Variants in ATP10A observed in about 807,000 individuals in gnomAD.
ATP10A encodes ATPase phospholipid transporting 10A (putative).
A neutral mutation model predicts 147.8 loss-of-function variants in ATP10A; 111 were observed. The observed-to-expected ratio is 0.75, with a 90% CI of 0.64 to 0.88. The LOEUF (loss-of-function observed/expected upper bound fraction) is 0.88, where lower values mean the gene tolerates loss of function less well. ATP10A is among the 40% of genes least tolerant of loss of function. ATP10A has a pLI of 0.00. For missense variants in ATP10A, 1,927 were observed against 1,959.0 expected, an observed-to-expected ratio of 0.98 and a Z score of 0.31; for synonymous variants, 875 against 841.6, an observed-to-expected ratio of 1.04 and a Z score of -0.69.
chr15:25,693,318 A>C (rs938311065), intron 14 of ATP10A, among the ~76,000 whole-genome samples: 1 of 152,158 alleles, frequency 6.6e-6, no homozygotes, highest in African/African-American at 2.4e-5. Context: ...CCACGTGCCC[A>C]GCCATGTGCT....
intron 1 of ATP10A, among the ~76,000 whole-genome samples, chr15:25,824,015 C>T (rs1892002546): frequency 6.6e-6 from 1 of 152,132 alleles, no homozygotes; most frequent in Non-Finnish European, 1.5e-5. Flanking sequence ...GCCTACATGC[C>T]AGTTAAGACT....
intron 1 of ATP10A, among the ~76,000 whole-genome samples, chr15:25,784,443 C>T (rs932500221): frequency 6.6e-6 from 1 of 152,166 alleles, no homozygotes; most frequent in African/African-American, 2.4e-5. Flanking sequence ...GCTTGCCTGC[C>T]CCATCCAGGA....
At chr15:25,683,155 T>G in intron 17 of ATP10A, 131 bp downstream of exon 17, 1 of 838,164 alleles carries the variant, frequency 1.2e-6, no homozygotes, top group Non-Finnish European at 1.9e-6. Flanking sequence ...TCCTCTAGAA[T>G]GGTGAATTCT....
intron 15 of ATP10A, among the ~76,000 whole-genome samples, chr15:25,690,052 T>C (rs764911626): frequency 1.3e-5 from 2 of 152,264 alleles, no homozygotes; most frequent in South Asian, 4.1e-4. Context: ...GAGTTAGGGG[T>C]TCCCCCGAAC....
chr15:25,718,269 G>A lies in ATP10A; in HGVS notation c.1494C>T (p.Ser498=). The A allele has an allele frequency of 6.2e-7, 1 of 1,612,578 alleles. No individual in the cohort carries two copies. The highest frequency in any genetic ancestry group is 8.5e-7 in the Non-Finnish European group (1 of 1,179,974). ...TGCCCGTGCGCCGGTGGGACTTGGT[G>A]CTCTGGGTTCTGTGCACCACCCGGA... The part of the protein sequence containing the change: ...QSVRVVHRTQ[S]TKSHRRTGSR... The change falls in exon 8 of 21, where the codon AGC becomes AGT. Residue 498 remains serine (S), a synonymous_variant. Coordinates refer to ENST00000555815, the MANE Select transcript of ATP10A (RefSeq NM_024490.4).
Position 25,794,073 on chromosome 15 carries a change from C to A in ATP10A, c.450-12850G>T, listed in dbSNP as rs141014033. On this transcript the variant is annotated intron_variant, in intron 1 of 20. Transcript: ENST00000555815. Reference sequence around the variant, plus strand: ...CCCCTGATTCCTCTAAATCAGAATTCTGAAGATGAAAAGGCTTCACTGATT... The same window carrying A: ...CCCCTGATTCCTCTAAATCAGAATTATGAAGATGAAAAGGCTTCACTGATT... Among the ~76,000 whole-genome samples, 790 of 152,336 alleles carry A rather than the reference C, an allele frequency of 5.2e-3. 5 individuals carry two copies. The highest frequency in any genetic ancestry group is 0.014 in the Middle Eastern group (4 of 294).
Position 25,728,550 on chromosome 15 carries a change from C to T in ATP10A, c.741-1284G>A, listed in dbSNP as rs375100947. 1.4e-4 allele frequency among the ~76,000 whole-genome samples: 21 copies of T among 152,336 alleles called. No individual in the cohort carries two copies. The South Asian group carries it at 1.7e-3, about 12-fold the overall frequency. On this transcript the variant is annotated intron_variant, in intron 3 of 20. Coordinates refer to ENST00000555815, the MANE Select transcript of ATP10A (RefSeq NM_024490.4). ...TCCTTAGGTACAAAACCCTGCTCTG[C>T]GCTTGTGGAGTGAGGACACCCCCTA...
chr15:25,817,274 G>A (rs1891701998), intron 1 of ATP10A, among the ~76,000 whole-genome samples: 1 of 151,948 alleles, frequency 6.6e-6, no homozygotes, highest in Non-Finnish European at 1.5e-5. Context: ...GTAGAGACAG[G>A]GTTTCACCAT....
rs564084379 is a variant in ATP10A at position 25,729,630 on chromosome 15, C to T, written c.741-2364G>A. The stretch of plus-strand genomic sequence containing the variant: ...GCCGACCCTGCAGCCCCTGCTTGGC[C>T]CACAGAAGGGGTGGCTTCTGTGGTT... On this transcript the variant is annotated intron_variant, in intron 3 of 20. Coordinates refer to ENST00000555815, the MANE Select transcript of ATP10A (RefSeq NM_024490.4). 6.8e-4 allele frequency among the ~76,000 whole-genome samples: 103 copies of T among 152,236 alleles called. 1 individual carries two copies. The highest frequency in any genetic ancestry group is 2.5e-3 in the South Asian group (12 of 4,816).
intron 1 of ATP10A, among the ~76,000 whole-genome samples, chr15:25,855,014 G>A (rs1204497515): frequency 3.5e-5 from 5 of 143,398 alleles, no homozygotes; most frequent in South Asian, 2.2e-4. Context: ...AGCTGAGATC[G>A]CCCCATTGCA....
rs1484995421 is a variant in ATP10A, at chr15:25,680,985, C to A, written c.3573+9G>T. ...TGGTAAGAAAAACTGCACCCAGGGGCCAACTTACCAGGTAAGGAATGGAAA... is the reference window on the plus strand; with the variant it reads ...TGGTAAGAAAAACTGCACCCAGGGGACAACTTACCAGGTAAGGAATGGAAA... On this transcript the variant is annotated intron_variant, in intron 18 of 20. Coordinates refer to ENST00000555815, the MANE Select transcript of ATP10A (RefSeq NM_024490.4). 1.9e-6 allele frequency: 3 copies of A among 1,613,880 alleles called. No homozygotes were observed. The highest frequency in any genetic ancestry group is 2.5e-6 in the Non-Finnish European group (3 of 1,179,928).
intron 3 of ATP10A, among the ~76,000 whole-genome samples, chr15:25,728,842 C>A (rs1170675700): frequency 1.3e-5 from 2 of 152,204 alleles, no homozygotes; most frequent in Admixed American, 1.3e-4. Context: ...CAGGTCCATG[C>A]CAGAAGGAAG....
chr15:25,673,384 C>T (rs1899079617), downstream of ATP10A, among the ~76,000 whole-genome samples: 1 of 152,198 alleles, frequency 6.6e-6, no homozygotes, highest in Non-Finnish European at 1.5e-5. Context: ...TGCTCCCGTG[C>T]AGCAGCCAAT....
intron 3 of ATP10A, among the ~76,000 whole-genome samples, chr15:25,732,004 C>T (rs1886964604): frequency 6.6e-6 from 1 of 152,030 alleles, no homozygotes; most frequent in African/African-American, 2.4e-5. Flanking sequence ...TACAGGTGTG[C>T]ACCACCACAC....
chr15:25,708,171 A>C (rs202031301), intron 11 of ATP10A, 26 bp downstream of exon 11: 2 of 1,613,884 alleles, frequency 1.2e-6, no homozygotes, highest in East Asian at 4.5e-5. Context: ...CTGCACGTGC[A>C]CCCTCGCGGA....
intron 2 of ATP10A, among the ~76,000 whole-genome samples, chr15:25,760,661 T>C (rs1188239608): frequency 6.6e-6 from 1 of 152,216 alleles, no homozygotes; most frequent in Non-Finnish European, 1.5e-5. Flanking sequence ...CTGATGGGCT[T>C]GTGCTAAGCA....
intron 2 of ATP10A, among the ~76,000 whole-genome samples, chr15:25,769,249 G>A (rs542541227): frequency 1.3e-5 from 2 of 152,216 alleles, no homozygotes; most frequent in East Asian, 3.9e-4. Flanking sequence ...CACTTTGGGA[G>A]GCTGAGGCGG....
chr15:25,736,348 G>A (rs1478801953), intron 2 of ATP10A, among the ~76,000 whole-genome samples: 2 of 152,142 alleles, frequency 1.3e-5, no homozygotes, highest in Non-Finnish European at 2.9e-5. Flanking sequence ...TGACAATTGG[G>A]GGACCGGTAC....
chr15:25,760,568 A>G (rs1888709507), intron 2 of ATP10A, among the ~76,000 whole-genome samples: 1 of 152,246 alleles, frequency 6.6e-6, no homozygotes, highest in Non-Finnish European at 1.5e-5. Context: ...AAAGAATGAA[A>G]AAAACTCTGA....
Sources: gnomAD v4.1 joint callset for allele counts (sites outside exome capture counted in the v4.1 genomes callset) on GRCh38, gnomAD v4.1.1 for gene constraint, MANE v1.5 for transcripts, NCBI Gene and HGNC (gene_info 2026-07-23, HGNC 2026-07-21) for gene names.